The following MAP3K5 variants were observed in gnomAD, a reference collection of about 807,000 sequenced individuals.
The protein encoded by MAP3K5 is mitogen-activated protein kinase kinase kinase 5, also known as ASK-1.
Under a neutral mutation model 158.7 loss-of-function variants are expected in MAP3K5, and 56 were observed. The observed-to-expected ratio is 0.35, with a 90% CI of 0.28 to 0.44. The LOEUF (loss-of-function observed/expected upper bound fraction) is 0.44. Among genes scored for constraint, MAP3K5 ranks in the 20% least tolerant of loss-of-function variants. The pLI is 1.00. For missense variants in MAP3K5, 1,294 were observed against 1,674.8 expected (o/e 0.77, Z 3.97); for synonymous variants, 579 against 601.7 (o/e 0.96, Z 0.55).
intron 1 of MAP3K5, among the ~76,000 whole-genome samples, chr6:136,724,878 C>T (rs1049462721): frequency 2.0e-5 from 3 of 152,110 alleles, no homozygotes; most frequent in Non-Finnish European, 4.4e-5. Flanking sequence ...AGTCATGATA[C>T]AAAATAGATC....
chr6:136,636,798 CA>C, intron 14 of MAP3K5: 1 of 972,284 alleles, frequency 1.0e-6, no homozygotes. Flanking sequence ...AAATAAAAAC[CA>C]TATAAAAGTA....
At chr6:136,656,062 C>T in intron 10 of MAP3K5, 2 of 449,842 alleles carry the variant, frequency 4.4e-6, no homozygotes, top group South Asian at 4.5e-5. Flanking sequence ...TACACTCCAC[C>T]ACTTATCAAA....
At chr6:136,603,262 T>A (rs561456141) in intron 19 of MAP3K5, among the ~76,000 whole-genome samples, 1 of 151,584 alleles carries the variant, frequency 6.6e-6, no homozygotes, top group East Asian at 1.9e-4. Flanking sequence ...AACCTCCATC[T>A]CCCCAGTCCA....
At position 136,720,465 on chromosome 6, in the gene MAP3K5, A is replaced by G. The variant is rs369835042; in HGVS notation, c.573T>C (p.Ser191=). 4.4e-6 allele frequency: 7 copies of G among 1,606,448 alleles called. No individual in the cohort carries two copies. The highest frequency in any genetic ancestry group is 6.0e-6 in the Non-Finnish European group (7 of 1,176,412). Residue 191 remains serine (S), a synonymous_variant, in exon 2 of 30, where the codon TCT becomes TCC. Coordinates refer to ENST00000359015, the MANE Select transcript of MAP3K5 (RefSeq NM_005923.4). The part of the protein sequence containing the change: ...IILYCDTNSD[S]LQSLKEIICQ... Reference sequence around the variant, plus strand: ...AGGGAGGTACCTTCAGTGACTGCAGAGAGTCCGAGTTAGTATCACAGTAGA... The same window carrying G: ...AGGGAGGTACCTTCAGTGACTGCAGGGAGTCCGAGTTAGTATCACAGTAGA...
chr6:136,662,912 CAATT>C (rs1280417544), intron 8 of MAP3K5, among the ~76,000 whole-genome samples: 2 of 152,174 alleles, frequency 1.3e-5, no homozygotes, highest in Non-Finnish European at 2.9e-5. Context: ...CATATTTATG[CAATT>C]TAAATGCTGA....
chr6:136,616,088 A>C (rs1776549733), intron 15 of MAP3K5, among the ~76,000 whole-genome samples: 4 of 151,982 alleles, frequency 2.6e-5, no homozygotes, highest in Admixed American at 2.6e-4. Context: ...GGAACTATGA[A>C]GGGCACGTAT....
At chr6:136,742,249 A>G (rs1782740208) in intron 1 of MAP3K5, among the ~76,000 whole-genome samples, 1 of 152,210 alleles carries the variant, frequency 6.6e-6, no homozygotes, top group Admixed American at 6.5e-5. Context: ...AAAGCTCTAT[A>G]ACAAGACAGT....
chr6:136,656,438 T>A lies in MAP3K5; in HGVS notation c.1549A>T (p.Thr517Ser). The A allele has an allele frequency of 6.3e-7, 1 of 1,595,094 alleles. No individual in the cohort carries two copies. Among genetic ancestry groups the A allele is most frequent in the South Asian group, 1.1e-5 (1 of 87,794 alleles). ...ACAAAATGCTTATATATTAAAATTG[T>A]CTCTACAATAGACTTGAGGTACCTG... ...PAWYLKSIVETILIYKHFVKL... is the reference protein window; with the variant it reads ...PAWYLKSIVESILIYKHFVKL... The change falls in exon 10 of 30, where the codon ACA (threonine) becomes TCA (serine). Residue 517 changes from threonine (T) to serine (S), a missense_variant. By Grantham distance (58) the Thr-to-Ser change is moderately conservative. Transcript: ENST00000359015.
intron 10 of MAP3K5, among the ~76,000 whole-genome samples, chr6:136,654,391 GTTAA>G (rs1335707454): frequency 6.6e-6 from 1 of 152,166 alleles, no homozygotes; most frequent in Non-Finnish European, 1.5e-5. Context: ...CTAACCAGAA[GTTAA>G]TTATCTCTTC....
intron 14 of MAP3K5, among the ~76,000 whole-genome samples, chr6:136,625,728 A>C (rs777473107): frequency 2.4e-4 from 36 of 152,204 alleles, no homozygotes; most frequent in South Asian, 2.1e-4. Flanking sequence ...TCTTACTGAT[A>C]ATGCACCACT....
At chr6:136,624,466 C>T (rs1339466484) in intron 14 of MAP3K5, among the ~76,000 whole-genome samples, 1 of 152,134 alleles carries the variant, frequency 6.6e-6, no homozygotes, top group Non-Finnish European at 1.5e-5. Context: ...TTTGATATAA[C>T]ATCTACAGAG....
intron 14 of MAP3K5, among the ~76,000 whole-genome samples, chr6:136,629,604 G>A (rs190239926): frequency 0.012 from 1,758 of 151,770 alleles, 32 homozygotes; most frequent in African/African-American, 0.04. Flanking sequence ...ACAGGTGCCC[G>A]CCACCACACC....
At chr6:136,578,161 C>T (rs1365149428) in intron 25 of MAP3K5, among the ~76,000 whole-genome samples, 3 of 152,158 alleles carry the variant, frequency 2.0e-5, no homozygotes, top group African/African-American at 7.2e-5. Context: ...TCCCTACAAC[C>T]AGCCTTATCC....
At chr6:136,601,751 A>C in intron 20 of MAP3K5, 51 bp downstream of exon 20, 3 of 1,538,282 alleles carry the variant, frequency 2.0e-6, no homozygotes, top group Non-Finnish European at 2.7e-6. Flanking sequence ...CCATCTTAAA[A>C]GCTTAGGATT....
intron 19 of MAP3K5, among the ~76,000 whole-genome samples, chr6:136,604,761 T>A (rs997506731): frequency 2.6e-5 from 2 of 78,318 alleles, no homozygotes; most frequent in Non-Finnish European, 4.7e-5. Flanking sequence ...AAATGGTAAT[T>A]ATGCTCTTTT....
At chr6:136,610,976 C>T (rs112218838) in intron 18 of MAP3K5, among the ~76,000 whole-genome samples, 83 of 151,410 alleles carry the variant, frequency 5.5e-4, no homozygotes, top group African/African-American at 1.9e-3. Context: ...GGCGTGGTGG[C>T]GCATGCCTGT....
intron 14 of MAP3K5, among the ~76,000 whole-genome samples, chr6:136,627,890 T>C (rs1322216474): frequency 3.9e-5 from 6 of 152,236 alleles, no homozygotes; most frequent in African/African-American, 1.4e-4. Context: ...GTCTGGACAC[T>C]TGAGCTCTTC....
chr6:136,697,142 C>CA, intron 5 of MAP3K5, 77 bp downstream of exon 5: 1 of 1,327,450 alleles, frequency 7.5e-7, no homozygotes, highest in African/African-American at 1.5e-5. Context: ...TACCAGCAAA[C>CA]TGAAATTTGA....
At chr6:136,675,530 T>C (rs1370545098) in intron 7 of MAP3K5, among the ~76,000 whole-genome samples, 1 of 151,966 alleles carries the variant, frequency 6.6e-6, no homozygotes, top group East Asian at 1.9e-4. Context: ...AACCCAAAGG[T>C]CAAAGAAGAA....
Sources: gnomAD v4.1 joint callset for allele counts (sites outside exome capture counted in the v4.1 genomes callset) on GRCh38, gnomAD v4.1.1 for gene constraint, MANE v1.5 for transcripts, NCBI Gene and HGNC (gene_info 2026-07-23, HGNC 2026-07-21) for gene names.